EPHA6: variants seen among roughly 807,000 people sequenced by gnomAD.
The protein encoded by EPHA6 is EPH receptor A6, also known as ephrin type-A receptor 6.
In EPHA6, 50 loss-of-function variants were observed where a neutral mutation model predicts 112.0. The ratio of observed to expected loss-of-function variants is 0.45; its 90% CI spans 0.36 to 0.56. The LOEUF is 0.56. EPHA6 is among the 20% of genes least tolerant of loss of function. EPHA6 has a pLI of 0.00. For missense variants in EPHA6, 1,280 were observed against 1,417.4 expected, an observed-to-expected ratio of 0.90 and a Z score of 1.56; for synonymous variants, 529 against 490.7, an observed-to-expected ratio of 1.08 and a Z score of -1.03.
At chr3:97,504,408 G>T (rs924111711) in intron 10 of EPHA6, among the ~76,000 whole-genome samples, 1 of 152,140 alleles carries the variant, frequency 6.6e-6, no homozygotes, top group Admixed American at 6.6e-5. Flanking sequence ...AAATGATGAG[G>T]CCTAGCATCT....
At chr3:97,144,127 G>A (rs1333147025) in intron 3 of EPHA6, among the ~76,000 whole-genome samples, 1 of 151,620 alleles carries the variant, frequency 6.6e-6, no homozygotes, top group East Asian at 1.9e-4. Context: ...GGCTCTGTTT[G>A]TGAGGATCTT....
chr3:97,367,370 G>A (rs1023045475), intron 5 of EPHA6, among the ~76,000 whole-genome samples: 2 of 152,212 alleles, frequency 1.3e-5, no homozygotes, highest in Non-Finnish European at 2.9e-5. Context: ...GAGAAGCAAG[G>A]AGAGCAAGGT....
chr3:97,063,158 T>C (rs2046075032), intron 3 of EPHA6, among the ~76,000 whole-genome samples: 2 of 152,042 alleles, frequency 1.3e-5, no homozygotes, highest in African/African-American at 4.8e-5. Context: ...CTCAAAGACC[T>C]AGAGACAGAA....
At chr3:97,496,730 C>T (rs921565544) in intron 10 of EPHA6, among the ~76,000 whole-genome samples, 1 of 151,932 alleles carries the variant, frequency 6.6e-6, no homozygotes, top group Non-Finnish European at 1.5e-5. Flanking sequence ...GACGTATAGA[C>T]TGTGTTTTAG....
intron 3 of EPHA6, among the ~76,000 whole-genome samples, chr3:97,208,451 A>G (rs2077772139): frequency 6.6e-6 from 1 of 152,198 alleles, no homozygotes; most frequent in Non-Finnish European, 1.5e-5. Flanking sequence ...GACTGTAAAA[A>G]TGGAGGGCCG....
chr3:97,180,703 G>A (rs533152058), intron 3 of EPHA6, among the ~76,000 whole-genome samples: 1 of 152,014 alleles, frequency 6.6e-6, no homozygotes, highest in African/African-American at 2.4e-5. Context: ...GCCCTATCCT[G>A]CTATGGCTGA....
intron 12 of EPHA6, among the ~76,000 whole-genome samples, chr3:97,609,457 A>G (rs1367900656): frequency 6.6e-6 from 1 of 151,388 alleles, no homozygotes; most frequent in Non-Finnish European, 1.5e-5. Flanking sequence ...TCAATAATTG[A>G]CGATAAAGTT....
At chr3:97,272,536 G>A (rs2079921575) in intron 5 of EPHA6, among the ~76,000 whole-genome samples, 1 of 152,178 alleles carries the variant, frequency 6.6e-6, no homozygotes, top group Non-Finnish European at 1.5e-5. Context: ...TCACCTGGGT[G>A]CAGGCGGGCT....
intron 3 of EPHA6, among the ~76,000 whole-genome samples, chr3:97,187,725 GAA>G (rs1553718577): frequency 1.4e-5 from 2 of 148,044 alleles, no homozygotes; most frequent in Admixed American, 6.8e-5. Flanking sequence ...AAGAAAGAAA[GAA>G]AGAAAGAAAG....
intron 2 of EPHA6, among the ~76,000 whole-genome samples, chr3:96,890,970 C>A (rs1307805308): frequency 3.3e-5 from 5 of 152,074 alleles, no homozygotes; most frequent in Non-Finnish European, 7.4e-5. Flanking sequence ...GCCTGTAATC[C>A]CAGCTACTTG....
At chr3:97,356,414 T>TG (rs1217322306) in intron 5 of EPHA6, among the ~76,000 whole-genome samples, 1 of 152,192 alleles carries the variant, frequency 6.6e-6, no homozygotes, top group African/African-American at 2.4e-5. Flanking sequence ...CCCCATTCCA[T>TG]GGAAAAATTG....
At chr3:97,701,917 A>G (rs1386302434) in intron 14 of EPHA6, among the ~76,000 whole-genome samples, 1 of 152,174 alleles carries the variant, frequency 6.6e-6, no homozygotes, top group Non-Finnish European at 1.5e-5. Context: ...CAAGTTGAAA[A>G]TAATATCAGG....
rs548133386 is a variant in EPHA6 at position 97,100,571 on chromosome 3, C to T, written c.1114+112578C>T. Among the ~76,000 whole-genome samples the T allele has an allele frequency of 1.3e-3, 193 of 151,944 alleles. 1 individual carries two copies. Among genetic ancestry groups the T allele is most frequent in the African/African-American group, 4.5e-3 (188 of 41,514 alleles). On this transcript the variant is annotated intron_variant, in intron 3 of 17. Transcript: ENST00000389672. Reference sequence around the variant, plus strand: ...TAAGACTGAGATTCATCCCTAGGCCCAGCCTCTTTCAGAGATAATACACTG... The same window carrying T: ...TAAGACTGAGATTCATCCCTAGGCCTAGCCTCTTTCAGAGATAATACACTG...
At chr3:97,479,418 G>A in intron 9 of EPHA6, 54 bp downstream of exon 9, 1 of 1,235,934 alleles carries the variant, frequency 8.1e-7, no homozygotes, top group Non-Finnish European at 1.1e-6. Context: ...AGCACTTCAG[G>A]AGTTCATTCA....
chr3:96,878,182 A>G (rs913774841), intron 2 of EPHA6, among the ~76,000 whole-genome samples: 2 of 152,032 alleles, frequency 1.3e-5, no homozygotes, highest in Non-Finnish European at 1.5e-5. Flanking sequence ...CCACCATATT[A>G]TAGTTAATTT....
At chr3:97,061,891 C>T (rs2046033091) in intron 3 of EPHA6, among the ~76,000 whole-genome samples, 1 of 152,022 alleles carries the variant, frequency 6.6e-6, no homozygotes, top group East Asian at 1.9e-4. Flanking sequence ...TCAAGAGGCT[C>T]CCAATTTAGT....
intron 1 of EPHA6, among the ~76,000 whole-genome samples, chr3:96,830,379 C>T (rs1439681741): frequency 6.6e-6 from 1 of 152,012 alleles, no homozygotes; most frequent in African/African-American, 2.4e-5. Context: ...AAGAAAATAC[C>T]AAATACTTTT....
intron 3 of EPHA6, among the ~76,000 whole-genome samples, chr3:97,175,161 C>T (rs2076803156): frequency 6.6e-6 from 1 of 151,864 alleles, no homozygotes; most frequent in South Asian, 2.1e-4. Flanking sequence ...ACTGTCTTTT[C>T]CCCAGTGTAT....
intron 5 of EPHA6, among the ~76,000 whole-genome samples, chr3:97,384,777 G>A (rs1463269361): frequency 6.6e-6 from 1 of 151,718 alleles, no homozygotes; most frequent in Non-Finnish European, 1.5e-5. Context: ...TTACAATTTT[G>A]CTTGACTCAG....
Sources: allele counts gnomAD v4.1 joint callset (sites outside exome capture counted in the v4.1 genomes callset), GRCh38; gene constraint gnomAD v4.1.1; transcripts MANE v1.5; gene names NCBI Gene and HGNC (gene_info 2026-07-23, HGNC 2026-07-21).